PACRG: variants seen among roughly 807,000 people sequenced by gnomAD.
PACRG encodes parkin coregulated gene protein.
Under a neutral mutation model 29.7 loss-of-function variants are expected in PACRG, and 29 were observed. The ratio of observed to expected loss-of-function variants is 0.98; its 90% CI spans 0.73 to 1.33. The LOEUF is 1.33. PACRG is among the 40% of genes most tolerant of loss of function. The pLI is 0.00. For missense variants in PACRG, 279 were observed against 316.2 expected (o/e 0.88, Z 0.89); for synonymous variants, 116 against 118.7 (o/e 0.98, Z 0.15).
chr6:163,105,354 T>C (rs1815324714), intron 4 of PACRG, among the ~76,000 whole-genome samples: 1 of 152,156 alleles, frequency 6.6e-6, no homozygotes, highest in African/African-American at 2.4e-5. Flanking sequence ...ACTTTTAGAT[T>C]GTAACTGGAA....
chr6:162,909,487 G>A (rs1048640946), intron 2 of PACRG, among the ~76,000 whole-genome samples: 6 of 148,962 alleles, frequency 4.0e-5, no homozygotes, highest in Non-Finnish European at 7.4e-5. Context: ...CCCAGGAGGC[G>A]GAGCTTGCAG....
At chr6:162,787,517 GTA>G (rs1279754929) in intron 1 of PACRG, among the ~76,000 whole-genome samples, 27 of 144,960 alleles carry the variant, frequency 1.9e-4, no homozygotes, top group African/African-American at 6.6e-4. Flanking sequence ...TATTGTGTGT[GTA>G]TATGTGTGTG....
intron 1 of PACRG, among the ~76,000 whole-genome samples, chr6:162,746,255 T>G (rs994210661): frequency 1.1e-4 from 17 of 152,160 alleles, no homozygotes; most frequent in African/African-American, 4.1e-4. Flanking sequence ...GTCCTGCAAT[T>G]TATATTTTAA....
At chr6:163,147,151 G>A (rs1159579859) in intron 4 of PACRG, among the ~76,000 whole-genome samples, 1 of 152,030 alleles carries the variant, frequency 6.6e-6, no homozygotes. Flanking sequence ...TTCTCTGATT[G>A]GTTTAGGACC....
At chr6:162,843,919 G>C (rs200639899) in intron 2 of PACRG, among the ~76,000 whole-genome samples, 1 of 82,714 alleles carries the variant, frequency 1.2e-5, no homozygotes, top group East Asian at 3.2e-4. Flanking sequence ...CGGGGGTCAG[G>C]GGTCAGGGAC....
chr6:163,009,099 C>T (rs1805389288), intron 2 of PACRG, among the ~76,000 whole-genome samples: 2 of 152,164 alleles, frequency 1.3e-5, no homozygotes, highest in African/African-American at 4.8e-5. Context: ...TCAGTAAATT[C>T]TAAGAAACAG....
chr6:162,970,109 A>T (rs1473235365), intron 2 of PACRG, among the ~76,000 whole-genome samples: 1 of 152,206 alleles, frequency 6.6e-6, no homozygotes, highest in Non-Finnish European at 1.5e-5. Flanking sequence ...ACATGCAAAT[A>T]GTGCCTTCTC....
chr6:162,913,235 G>C (rs1325132295), intron 2 of PACRG, among the ~76,000 whole-genome samples: 1 of 152,080 alleles, frequency 6.6e-6, no homozygotes, highest in African/African-American at 2.4e-5. Flanking sequence ...AACATCCCAT[G>C]GTCCCAAGCC....
chr6:162,891,913 G>A (rs1166684697), intron 2 of PACRG: 1 of 152,300 alleles, frequency 6.6e-6, no homozygotes, highest in Non-Finnish European at 1.5e-5. Context: ...ATCACAACAT[G>A]AGCACAAAGG....
intron 3 of PACRG, among the ~76,000 whole-genome samples, chr6:163,081,995 A>G (rs1300404620): frequency 6.6e-6 from 1 of 152,222 alleles, no homozygotes; most frequent in African/African-American, 2.4e-5. Flanking sequence ...ATCATTACAT[A>G]TAAAATCCAA....
At chr6:163,036,605 A>G (rs1413569116) in intron 2 of PACRG, among the ~76,000 whole-genome samples, 1 of 152,178 alleles carries the variant, frequency 6.6e-6, no homozygotes, top group Non-Finnish European at 1.5e-5. Context: ...CCTAAATGGG[A>G]TGCTGGTTCT....
chr6:162,943,495 A>AAAAGC (rs1406806709), intron 2 of PACRG, among the ~76,000 whole-genome samples: 26 of 152,214 alleles, frequency 1.7e-4, no homozygotes, highest in African/African-American at 5.5e-4. Context: ...CTGCCACTGA[A>AAAAGC]AAAGCAACCC....
chr6:163,232,236 C>T (rs865818826), intron 4 of PACRG, among the ~76,000 whole-genome samples: 2 of 152,098 alleles, frequency 1.3e-5, no homozygotes, highest in African/African-American at 2.4e-5. Flanking sequence ...TGAAGATTAG[C>T]GTCACACTCT....
At chr6:162,885,516 C>T (rs1244718690) in intron 2 of PACRG, among the ~76,000 whole-genome samples, 1 of 144,584 alleles carries the variant, frequency 6.9e-6, no homozygotes, top group Non-Finnish European at 1.6e-5. Context: ...AGCCATCTGC[C>T]TTCCTCGGCC....
intron 4 of PACRG, chr6:163,191,605 C>T (rs1225635464): frequency 2.2e-6 from 1 of 455,666 alleles, no homozygotes; most frequent in Admixed American, 2.3e-5. Context: ...CACTCACGAG[C>T]TGAGACCTCC....
chr6:163,169,866 G>A (rs1031042500), intron 4 of PACRG, among the ~76,000 whole-genome samples: 2 of 152,232 alleles, frequency 1.3e-5, no homozygotes, highest in Non-Finnish European at 2.9e-5. Context: ...GAGGCCGGCA[G>A]TCCAGGGTCA....
intron 4 of PACRG, among the ~76,000 whole-genome samples, chr6:163,150,600 G>A: frequency 1.6e-5 from 1 of 64,500 alleles, no homozygotes; most frequent in Non-Finnish European, 2.7e-5. Flanking sequence ...CCAGGCTCAA[G>A]TTCCCCCGCC....
At chr6:162,904,920 G>A (rs559869754) in intron 2 of PACRG, among the ~76,000 whole-genome samples, 1 of 152,302 alleles carries the variant, frequency 6.6e-6, no homozygotes, top group African/African-American at 2.4e-5. Flanking sequence ...ACCCCCGAAG[G>A]TGAGGATGAG....
intron 4 of PACRG, among the ~76,000 whole-genome samples, chr6:163,245,393 G>T (rs995090208): frequency 6.6e-6 from 1 of 152,128 alleles, no homozygotes; most frequent in East Asian, 1.9e-4. Flanking sequence ...CAGACTGGGG[G>T]TATTTTTAAT....
Sources: allele counts gnomAD v4.1 joint callset (sites outside exome capture counted in the v4.1 genomes callset), GRCh38; gene constraint gnomAD v4.1.1; transcripts MANE v1.5; gene names NCBI Gene and HGNC (gene_info 2026-07-23, HGNC 2026-07-21).